Variants in RARB observed in about 807,000 individuals in gnomAD.
RARB encodes the protein retinoic acid receptor beta.
A neutral mutation model predicts 51.9 loss-of-function variants in RARB; 17 were observed. That is an observed-to-expected ratio of 0.33 (90% CI 0.22 to 0.49). RARB has a LOEUF of 0.49. Among genes scored for constraint, RARB ranks in the 20% least tolerant of loss-of-function variants. The pLI is 0.99. For synonymous variants in RARB, 215 were observed against 195.4 expected (o/e 1.10, Z -0.84); for missense variants, 369 against 550.8 (o/e 0.67, Z 3.30).
chr3:25,118,842 C>T (rs1699733181), intron 3 of RARB, among the ~76,000 whole-genome samples: 1 of 151,738 alleles, frequency 6.6e-6, no homozygotes, highest in Non-Finnish European at 1.5e-5. Flanking sequence ...AATGGAGGTC[C>T]CAGAGTTTCC....
chr3:25,244,254 C>A (rs1225159774), intron 5 of RARB, among the ~76,000 whole-genome samples: 4 of 149,614 alleles, frequency 2.7e-5, no homozygotes, highest in Non-Finnish European at 5.9e-5. Flanking sequence ...TCCAATAAAC[C>A]AGCTCCTGAA....
At chr3:25,396,151 A>T (rs1707107925) in intron 5 of RARB, among the ~76,000 whole-genome samples, 2 of 152,236 alleles carry the variant, frequency 1.3e-5, no homozygotes. Context: ...GCCACCCAGC[A>T]GAGCTACTGG....
chr3:24,936,512 A>G (rs1210181511), intron 2 of RARB, among the ~76,000 whole-genome samples: 1 of 152,210 alleles, frequency 6.6e-6, no homozygotes, highest in Admixed American at 6.5e-5. Flanking sequence ...CAAATGACTA[A>G]TTTGATTTTC....
intron 5 of RARB, among the ~76,000 whole-genome samples, chr3:25,218,355 A>G (rs1263763275): frequency 1.3e-5 from 2 of 150,580 alleles, no homozygotes; most frequent in Non-Finnish European, 3.0e-5. Context: ...TTTTTTTGTT[A>G]CTACCCACCC....
chr3:25,012,951 C>A (rs1697429744), intron 2 of RARB, among the ~76,000 whole-genome samples: 1 of 152,040 alleles, frequency 6.6e-6, no homozygotes, highest in Non-Finnish European at 1.5e-5. Flanking sequence ...ATAATAGCTG[C>A]TGGTATTTAA....
intron 5 of RARB, among the ~76,000 whole-genome samples, chr3:25,331,426 C>T (rs1704891977): frequency 6.6e-6 from 1 of 152,202 alleles, no homozygotes; most frequent in Admixed American, 6.5e-5. Context: ...TGAATGACTA[C>T]TGGATACATA....
intron 5 of RARB, among the ~76,000 whole-genome samples, chr3:25,267,631 G>C (rs953441142): frequency 6.6e-6 from 1 of 152,132 alleles, no homozygotes; most frequent in Non-Finnish European, 1.5e-5. Flanking sequence ...CCCCATGCTT[G>C]AGTGAGGTTA....
chr3:25,183,970 A>T (rs1171302079), intron 5 of RARB, among the ~76,000 whole-genome samples: 1 of 152,140 alleles, frequency 6.6e-6, no homozygotes, highest in Non-Finnish European at 1.5e-5. Context: ...AAGCCTATGT[A>T]AGCTTCTTTG....
At chr3:25,147,555 G>C (rs1700214543) in intron 4 of RARB, among the ~76,000 whole-genome samples, 1 of 152,200 alleles carries the variant, frequency 6.6e-6, no homozygotes, top group Non-Finnish European at 1.5e-5. Flanking sequence ...TTGAATGAAA[G>C]AAAAGTGGTT....
chr3:25,389,282 T>G (rs1366248633), intron 5 of RARB, among the ~76,000 whole-genome samples: 1 of 152,152 alleles, frequency 6.6e-6, no homozygotes, highest in African/African-American at 2.4e-5. Context: ...TTCTGCTGCT[T>G]CTTTAGTGAT....
intron 2 of RARB, among the ~76,000 whole-genome samples, chr3:24,859,774 A>G (rs1178495640): frequency 2.6e-5 from 4 of 152,234 alleles, no homozygotes; most frequent in African/African-American, 9.6e-5. Context: ...TTTGTGGGCC[A>G]TATGGTCTGT....
At chr3:25,495,671 G>C (rs929320374) in intron 2 of RARB, among the ~76,000 whole-genome samples, 2 of 152,208 alleles carry the variant, frequency 1.3e-5, no homozygotes, top group Admixed American at 1.3e-4. Context: ...GAGGTAGGAA[G>C]ATTGAAAAAT....
At chr3:25,445,502 T>C (rs1238747144) in intron 1 of RARB, among the ~76,000 whole-genome samples, 4 of 151,968 alleles carry the variant, frequency 2.6e-5, no homozygotes. Context: ...CTGTCTATAC[T>C]GAAAATACAA....
At chr3:24,876,385 C>T (rs1703043092) in intron 2 of RARB, among the ~76,000 whole-genome samples, 1 of 151,972 alleles carries the variant, frequency 6.6e-6, no homozygotes, top group Admixed American at 6.6e-5. Flanking sequence ...CACATTTTTT[C>T]CTACAATTAA....
chr3:24,962,251 T>C (rs1452947971), intron 2 of RARB, among the ~76,000 whole-genome samples: 1 of 152,144 alleles, frequency 6.6e-6, no homozygotes, highest in Non-Finnish European at 1.5e-5. Flanking sequence ...TTTTAAAGAA[T>C]ATCCTTTGAA....
chr3:25,122,653 T>C (rs1367619766), intron 3 of RARB, among the ~76,000 whole-genome samples: 1 of 152,134 alleles, frequency 6.6e-6, no homozygotes, highest in Non-Finnish European at 1.5e-5. Flanking sequence ...TCTAGCTCTA[T>C]TAGTGAGATC....
chr3:25,029,293 G>A (rs1697821084), intron 2 of RARB, among the ~76,000 whole-genome samples: 1 of 152,140 alleles, frequency 6.6e-6, no homozygotes, highest in Non-Finnish European at 1.5e-5. Context: ...CTTCTAACTC[G>A]TAAAATCATA....
chr3:25,453,243 CTTTTTTTTTTT>C (rs758275411), intron 1 of RARB, among the ~76,000 whole-genome samples: 1 of 81,988 alleles, frequency 1.2e-5, no homozygotes, highest in Non-Finnish European at 2.2e-5. Flanking sequence ...CAAGATTCTG[CTTTTTTTTTTT>C]TTTTTTTTTT....
chr3:24,945,842 C>CT (rs1695761671), intron 2 of RARB, among the ~76,000 whole-genome samples: 1 of 152,198 alleles, frequency 6.6e-6, no homozygotes, highest in African/African-American at 2.4e-5. Context: ...GGATGGTGAA[C>CT]AACAAGGCCA....
Sources: allele counts gnomAD v4.1 joint callset (sites outside exome capture counted in the v4.1 genomes callset), GRCh38; gene constraint gnomAD v4.1.1; transcripts MANE v1.5; gene names NCBI Gene and HGNC (gene_info 2026-07-23, HGNC 2026-07-21).